Variants in NT5DC1 observed in about 807,000 individuals in gnomAD.
The protein encoded by NT5DC1 is 5'-nucleotidase domain-containing protein 1.
In NT5DC1, 42 loss-of-function variants were observed where a neutral mutation model predicts 59.4. That is an observed-to-expected ratio of 0.71 (90% CI 0.55 to 0.92). The LOEUF (loss-of-function observed/expected upper bound fraction) is 0.92, where lower values mean the gene tolerates loss of function less well. Among genes scored for constraint, NT5DC1 ranks in the 40% least tolerant of loss-of-function variants. The pLI, the probability that NT5DC1 is intolerant of heterozygous loss-of-function variation, is 0.00. For synonymous variants in NT5DC1, 172 were observed against 188.1 expected (o/e 0.91, Z 0.70); for missense variants, 501 against 537.1 (o/e 0.93, Z 0.66).
intron 6 of NT5DC1, among the ~76,000 whole-genome samples, chr6:116,220,836 G>A (rs1000969148): frequency 5.3e-5 from 8 of 151,448 alleles, no homozygotes; most frequent in East Asian, 1.9e-4. Context: ...AATAGCCAGC[G>A]AATATTATCA....
chr6:116,203,349 T>A (rs1781384116), intron 6 of NT5DC1, among the ~76,000 whole-genome samples: 1 of 151,996 alleles, frequency 6.6e-6, no homozygotes, highest in South Asian at 2.1e-4. Context: ...AATAGAGCCC[T>A]GCAGTCCGCC....
At chr6:116,116,879 AGTC>A (rs1317572994) in intron 5 of NT5DC1, among the ~76,000 whole-genome samples, 1 of 152,142 alleles carries the variant, frequency 6.6e-6, no homozygotes, top group Non-Finnish European at 1.5e-5. Context: ...AATATCTAGT[AGTC>A]TGTCTTTGTT....
chr6:116,204,883 C>T (rs944648517), intron 6 of NT5DC1, among the ~76,000 whole-genome samples: 4 of 151,924 alleles, frequency 2.6e-5, no homozygotes, highest in Non-Finnish European at 5.9e-5. Context: ...GATTTAAGTA[C>T]GTGGCTAGAT....
intron 6 of NT5DC1, chr6:116,119,821 T>C (rs962722825): frequency 1.2e-5 from 5 of 413,710 alleles, no homozygotes; most frequent in South Asian, 1.1e-4. Flanking sequence ...TTTGGTGATA[T>C]TTTTTAATAT....
At chr6:116,163,137 A>ATAT (rs1554197055) in intron 6 of NT5DC1, among the ~76,000 whole-genome samples, 11,668 of 103,566 alleles carry the variant, frequency 0.11, 662 homozygotes, top group East Asian at 0.2. Context: ...AAAAAAAAAA[A>ATAT]AAAAATATAT....
chr6:116,188,695 G>A (rs1374321646), intron 6 of NT5DC1, among the ~76,000 whole-genome samples: 1 of 133,438 alleles, frequency 7.5e-6, no homozygotes, highest in Non-Finnish European at 1.6e-5. Flanking sequence ...TGGTATCCTG[G>A]AAATTTTCTA....
Position 116,181,110 on chromosome 6 carries a change from A to G in NT5DC1, c.530-39944A>G, listed in dbSNP as rs190590331. 8.7e-4 allele frequency among the ~76,000 whole-genome samples: 132 copies of G among 152,184 alleles called. 1 individual carries two copies. Among genetic ancestry groups the G allele is most frequent in the Middle Eastern group, 3.4e-3 (1 of 294 alleles). On this transcript the variant is annotated intron_variant, in intron 6 of 11. Transcript: ENST00000319550. ...AGAGGTACACGAGATACATATATAGATGAAAAGATTAATAATTATTGAAGT... is the reference window on the plus strand; with the variant it reads ...AGAGGTACACGAGATACATATATAGGTGAAAAGATTAATAATTATTGAAGT...
chr6:116,154,029 C>CTTTT (rs34356532), intron 6 of NT5DC1, among the ~76,000 whole-genome samples: 2 of 122,340 alleles, frequency 1.6e-5, no homozygotes, highest in African/African-American at 6.2e-5. Flanking sequence ...GGGAAGATTT[C>CTTTT]TTTTTTTTTT....
At chr6:116,105,429 T>A (rs1778749956) in intron 1 of NT5DC1, among the ~76,000 whole-genome samples, 1 of 152,178 alleles carries the variant, frequency 6.6e-6, no homozygotes, top group Non-Finnish European at 1.5e-5. Context: ...GTGTGTCCTT[T>A]TGGACACTGT....
chr6:116,246,410 TA>T lies in NT5DC1; in HGVS notation c.*2389del. ...ATCAACTTCTGAGTTTGTTAAACTC[TA>T]AACTGAAATCAAGTATTATTTCCCC... On this transcript the variant is annotated 3_prime_UTR_variant, in exon 12 of 12. Transcript: ENST00000319550. The T allele has an allele frequency of 6.6e-6, 1 of 151,878 alleles. No individual in the cohort carries two copies. The highest frequency in any genetic ancestry group is 1.5e-5 in the Non-Finnish European group (1 of 67,924). 9.4% of individuals were successfully genotyped at this position (151,878 alleles called of 1,614,324 possible).
chr6:116,103,055 A>G (rs1048206007), intron 1 of NT5DC1, among the ~76,000 whole-genome samples: 1 of 152,026 alleles, frequency 6.6e-6, no homozygotes, highest in Non-Finnish European at 1.5e-5. Flanking sequence ...TCCTCATAGC[A>G]CATGCTGCAT....
intron 7 of NT5DC1, among the ~76,000 whole-genome samples, chr6:116,221,461 G>A (rs1781803794): frequency 6.6e-6 from 1 of 152,152 alleles, no homozygotes; most frequent in Non-Finnish European, 1.5e-5. Flanking sequence ...CTCACCGAAT[G>A]TCCAGGTTTT....
chr6:116,183,963 T>A (rs573426730), intron 6 of NT5DC1, among the ~76,000 whole-genome samples: 1 of 152,220 alleles, frequency 6.6e-6, no homozygotes, highest in East Asian at 1.9e-4. Flanking sequence ...AAAGTGGGCA[T>A]CTTTGTCTTT....
In NT5DC1 at chr6:116,115,691, G is replaced by C. The variant is rs1214529647; in HGVS notation, c.365G>C (p.Gly122Ala). The C allele has an allele frequency of 6.4e-7, 1 of 1,555,888 alleles. No homozygotes were observed. Among genetic ancestry groups the C allele is most frequent in the Non-Finnish European group, 8.9e-7 (1 of 1,127,472 alleles). The change falls in exon 5 of 12, where the codon GGA (glycine) becomes GCA (alanine). Residue 122 changes from glycine to alanine, a missense_variant and splice_region_variant. Transcript: ENST00000319550. Reference protein sequence around the residue: ...LSDTGMACRSGKYYFYDNYFD... With the variant: ...LSDTGMACRSAKYYFYDNYFD... ...AGTTTAAAATTTTGTTCTTTTTTAGGAAAGTATTACTTTTACGACAACTAC... is the reference window on the plus strand; with the variant it reads ...AGTTTAAAATTTTGTTCTTTTTTAGCAAAGTATTACTTTTACGACAACTAC...
At chr6:116,168,418 TC>T (rs1780526896) in intron 6 of NT5DC1, among the ~76,000 whole-genome samples, 1 of 152,126 alleles carries the variant, frequency 6.6e-6, no homozygotes, top group African/African-American at 2.4e-5. Flanking sequence ...ACTGTATTTT[TC>T]AGTTCTAGAA....
intron 6 of NT5DC1, among the ~76,000 whole-genome samples, chr6:116,118,627 C>T (rs1473956882): frequency 5.3e-5 from 8 of 152,122 alleles, no homozygotes; most frequent in Admixed American, 6.5e-5. Context: ...GCCATCAAAA[C>T]AATTTTAAAT....
chr6:116,163,126 C>CA (rs71272373), intron 6 of NT5DC1, among the ~76,000 whole-genome samples: 5 of 84,310 alleles, frequency 5.9e-5, no homozygotes, highest in Non-Finnish European at 8.1e-5. Context: ...GACTCCGTCT[C>CA]AAAAAAAAAA....
intron 6 of NT5DC1, among the ~76,000 whole-genome samples, chr6:116,211,340 G>A (rs147826447): frequency 5.5e-4 from 83 of 152,024 alleles, no homozygotes; most frequent in East Asian, 2.3e-3. Context: ...ATAATACATT[G>A]TTATTTTAAG....
intron 6 of NT5DC1, among the ~76,000 whole-genome samples, chr6:116,215,263 CATG>C (rs1295827300): frequency 1.3e-5 from 2 of 152,124 alleles, no homozygotes; most frequent in Non-Finnish European, 2.9e-5. Flanking sequence ...TTTCCAGAAA[CATG>C]ATATCAAAAG....
Sources: gnomAD v4.1 joint callset for allele counts (sites outside exome capture counted in the v4.1 genomes callset) on GRCh38, gnomAD v4.1.1 for gene constraint, MANE v1.5 for transcripts, NCBI Gene and HGNC (gene_info 2026-07-23, HGNC 2026-07-21) for gene names.